CSMD3: variants seen among roughly 807,000 people sequenced by gnomAD.
CSMD3 encodes the protein CUB and sushi domain-containing protein 3.
In CSMD3, 177 loss-of-function variants were observed where a neutral mutation model predicts 435.2. The observed-to-expected ratio is 0.41, with a 90% CI of 0.36 to 0.46. The LOEUF (loss-of-function observed/expected upper bound fraction) is 0.46. Among genes scored for constraint, CSMD3 ranks in the 20% least tolerant of loss-of-function variants. The pLI is 0.34. For missense variants in CSMD3, 4,265 were observed against 4,504.6 expected (o/e 0.95, Z 1.52); for synonymous variants, 1,656 against 1,520.5 (o/e 1.09, Z -2.07).
At chr8:112,824,257 A>G (rs1440106523) in intron 12 of CSMD3, among the ~76,000 whole-genome samples, 1 of 152,014 alleles carries the variant, frequency 6.6e-6, no homozygotes, top group Non-Finnish European at 1.5e-5. Flanking sequence ...TCTTTATCCA[A>G]TTTGTCAGTC....
chr8:113,421,126 T>G (rs1248725289), intron 1 of CSMD3, among the ~76,000 whole-genome samples: 2 of 152,184 alleles, frequency 1.3e-5, no homozygotes, highest in East Asian at 1.9e-4. Context: ...CTTTTCATAT[T>G]CCAAATTTCT....
intron 3 of CSMD3, among the ~76,000 whole-genome samples, chr8:113,203,449 T>C (rs564617312): frequency 2.2e-4 from 33 of 152,004 alleles, no homozygotes; most frequent in Non-Finnish European, 3.1e-4. Flanking sequence ...TCTAATTTTT[T>C]TTTTTAGAGA....
intron 4 of CSMD3, among the ~76,000 whole-genome samples, chr8:113,112,655 A>T (rs4551388): frequency 0.14 from 21,133 of 151,292 alleles, 2,751 homozygotes; most frequent in African/African-American, 0.34. Flanking sequence ...CAATGGCTGG[A>T]TAACAGTAAA....
chr8:112,714,714 A>G (rs1407400948), intron 13 of CSMD3, among the ~76,000 whole-genome samples: 3 of 152,218 alleles, frequency 2.0e-5, no homozygotes, highest in Non-Finnish European at 4.4e-5. Flanking sequence ...CTGAAATAAT[A>G]AAAAACAGTC....
At chr8:112,247,354 C>T (rs1051893990) in intron 63 of CSMD3, among the ~76,000 whole-genome samples, 2 of 151,970 alleles carry the variant, frequency 1.3e-5, no homozygotes, top group Non-Finnish European at 2.9e-5. Flanking sequence ...TAGTTGGGTC[C>T]TTAGTACATA....
At chr8:112,535,751 A>G (rs1454988462) in intron 27 of CSMD3, among the ~76,000 whole-genome samples, 1 of 152,238 alleles carries the variant, frequency 6.6e-6, no homozygotes, top group South Asian at 2.1e-4. Context: ...TGGAGGTATC[A>G]TGCTACTTGA....
chr8:112,927,595 ATTACT>A (rs1160208162), intron 9 of CSMD3, among the ~76,000 whole-genome samples: 1 of 152,116 alleles, frequency 6.6e-6, no homozygotes, highest in Non-Finnish European at 1.5e-5. Flanking sequence ...GGGATGATAA[ATTACT>A]TTACTTTCAA....
chr8:112,247,929 T>C (rs937461418), intron 63 of CSMD3, among the ~76,000 whole-genome samples: 4 of 152,116 alleles, frequency 2.6e-5, no homozygotes, highest in Non-Finnish European at 5.9e-5. Flanking sequence ...GGTTACAATA[T>C]ATATCATTTG....
At chr8:112,542,397 C>T (rs577846883) in intron 27 of CSMD3, among the ~76,000 whole-genome samples, 50 of 148,924 alleles carry the variant, frequency 3.4e-4, no homozygotes, top group Middle Eastern at 7.1e-3. Context: ...ATGACACAAT[C>T]TCATATATAG....
In CSMD3 at chr8:112,224,694, T is replaced by C. The variant is rs975595336; in HGVS notation, c.*77A>G. ...CAAGTCCTGAAAAGTGTGCTTTAAT[T>C]TGTTTAGCAGTGAACTAAATGTGCA... On this transcript the variant is annotated 3_prime_UTR_variant, in exon 71 of 71. Coordinates refer to ENST00000297405, the MANE Select transcript of CSMD3 (RefSeq NM_198123.2). The C allele has an allele frequency of 6.9e-6, 10 of 1,441,970 alleles. No individual in the cohort carries two copies. Among genetic ancestry groups the C allele is most frequent in the Non-Finnish European group, 9.8e-6 (10 of 1,023,350 alleles). The allele number at this position is 1,441,970 out of a possible 1,614,324, so 89.3% of individuals were successfully genotyped here. A position where few individuals can be genotyped will look rare whatever the true frequency, so the allele number is the denominator to read the frequency against.
At chr8:112,582,116 T>C (rs1563729887) in intron 23 of CSMD3, among the ~76,000 whole-genome samples, 1 of 152,054 alleles carries the variant, frequency 6.6e-6, no homozygotes, top group African/African-American at 2.4e-5. Flanking sequence ...CCTTCGTGAA[T>C]GGTTTAGCAC....
chr8:113,076,067 C>T (rs1160142354), intron 5 of CSMD3, among the ~76,000 whole-genome samples: 1 of 151,404 alleles, frequency 6.6e-6, no homozygotes, highest in African/African-American at 2.4e-5. Context: ...TTAAGGAAAA[C>T]AAGACACAAC....
intron 4 of CSMD3, among the ~76,000 whole-genome samples, chr8:113,112,497 AC>A (rs2090690273): frequency 7.0e-6 from 1 of 143,858 alleles, no homozygotes; most frequent in Admixed American, 6.9e-5. Context: ...ACACACACAC[AC>A]ACACTTGTGA....
intron 35 of CSMD3, among the ~76,000 whole-genome samples, chr8:112,403,009 G>A (rs972138231): frequency 6.6e-6 from 1 of 152,106 alleles, no homozygotes; most frequent in Non-Finnish European, 1.5e-5. Context: ...AGTACCTAAG[G>A]GGAGGATCTC....
intron 1 of CSMD3, among the ~76,000 whole-genome samples, chr8:113,395,140 G>A (rs2094477400): frequency 6.6e-6 from 1 of 151,930 alleles, no homozygotes; most frequent in African/African-American, 2.4e-5. Flanking sequence ...TTGAAATCTA[G>A]TACAAACATA....
chr8:112,291,631 T>G lies in CSMD3; in HGVS notation c.8853A>C (p.Gly2951=), dbSNP rs1405453790. The change falls in exon 56 of 71, where the codon GGA becomes GGC. Residue 2951 remains glycine, a synonymous_variant. Coordinates refer to ENST00000297405, the MANE Select transcript of CSMD3 (RefSeq NM_198123.2). ...NSKRESKIEH[G]NFTYGTVVFY... ...ATACCACAGTGCCGTAAGTAAAATT[T>G]CCATGTTCTATTTTACTTTCTCTTT... 6.2e-7 allele frequency: 1 copy of G among 1,611,730 alleles called. No individual in the cohort carries two copies. Among genetic ancestry groups the G allele is most frequent in the East Asian group, 2.2e-5 (1 of 44,706 alleles).
At chr8:113,359,506 G>T (rs2132974168) in intron 1 of CSMD3, among the ~76,000 whole-genome samples, 1 of 152,284 alleles carries the variant, frequency 6.6e-6, no homozygotes, top group Admixed American at 6.5e-5. Context: ...GAAATGGATT[G>T]GTTCTCTAGG....
At chr8:113,275,337 C>T (rs1187410395) in intron 3 of CSMD3, among the ~76,000 whole-genome samples, 1 of 152,150 alleles carries the variant, frequency 6.6e-6, no homozygotes, top group African/African-American at 2.4e-5. Context: ...CTGGTTTAGT[C>T]CTCTTTCCAG....
chr8:112,596,067 T>A (rs920949168), intron 22 of CSMD3, among the ~76,000 whole-genome samples: 2 of 151,096 alleles, frequency 1.3e-5, no homozygotes, highest in Non-Finnish European at 3.0e-5. Context: ...AGACACAGAC[T>A]GGCAAATTGG....
Sources: allele counts gnomAD v4.1 joint callset (sites outside exome capture counted in the v4.1 genomes callset), GRCh38; gene constraint gnomAD v4.1.1; transcripts MANE v1.5; gene names NCBI Gene and HGNC (gene_info 2026-07-23, HGNC 2026-07-21).